ADAMTSL1: variants seen among roughly 807,000 people sequenced by gnomAD.
ADAMTSL1 encodes the protein ADAMTS like 1.
A neutral mutation model predicts 201.8 loss-of-function variants in ADAMTSL1; 126 were observed. That is an observed-to-expected ratio of 0.62 (90% confidence interval 0.54 to 0.72). The LOEUF (loss-of-function observed/expected upper bound fraction) is 0.72. ADAMTSL1 is among the 30% of genes least tolerant of loss of function. ADAMTSL1 has a pLI of 0.00. For synonymous variants in ADAMTSL1, 1,121 were observed against 903.4 expected (o/e 1.24, Z -4.32); for missense variants, 2,679 against 2,277.8 (o/e 1.18, Z -3.59).
At chr9:18,180,388 C>T (rs35754634) in intron 2 of ADAMTSL1, among the ~76,000 whole-genome samples, 23,801 of 151,746 alleles carry the variant, frequency 0.16, 2,129 homozygotes, top group East Asian at 0.24. Flanking sequence ...AAAAAATTAG[C>T]CAGGCGTAGT....
rs965854975 is a variant in ADAMTSL1 at position 18,634,914 on chromosome 9, A to G, written c.602-1029A>G. Among the ~76,000 whole-genome samples, 101 of 109,834 alleles carry G rather than the reference A, an allele frequency of 9.2e-4. 1 individual carries two copies. Among genetic ancestry groups the G allele is most frequent in the African/African-American group, 2.8e-3 (92 of 32,380 alleles). 72.1% of individuals were successfully genotyped at this position (109,834 alleles called of 152,430 possible). A position where few individuals can be genotyped will look rare whatever the true frequency, so the allele number is the denominator to read the frequency against. On this transcript the variant is annotated intron_variant, in intron 5 of 28. Coordinates refer to ENST00000380548, the MANE Select transcript of ADAMTSL1 (RefSeq NM_001040272.6). ...ATGTATGTAAATATATATTTAATATATATATATTAAATAAAAAAGATAAGT... is the reference window on the plus strand; with the variant it reads ...ATGTATGTAAATATATATTTAATATGTATATATTAAATAAAAAAGATAAGT...
intron 13 of ADAMTSL1, among the ~76,000 whole-genome samples, chr9:18,696,102 C>T (rs1041328287): frequency 1.3e-5 from 2 of 152,200 alleles, no homozygotes; most frequent in African/African-American, 4.8e-5. Context: ...AATCCACTCC[C>T]ATGGTCCAGT....
intron 1 of ADAMTSL1, among the ~76,000 whole-genome samples, chr9:18,071,994 T>A (rs1027997743): frequency 3.3e-5 from 5 of 152,202 alleles, no homozygotes; most frequent in African/African-American, 1.2e-4. Context: ...TCCAAGCTCT[T>A]GACAGTGCCA....
intron 2 of ADAMTSL1, among the ~76,000 whole-genome samples, chr9:18,532,099 G>C (rs1247794310): frequency 6.6e-6 from 1 of 152,124 alleles, no homozygotes; most frequent in Non-Finnish European, 1.5e-5. Flanking sequence ...GGATTTTGTA[G>C]TGTATCTTTA....
intron 15 of ADAMTSL1, among the ~76,000 whole-genome samples, chr9:18,726,720 A>T (rs1817917048): frequency 6.6e-6 from 1 of 152,248 alleles, no homozygotes; most frequent in Non-Finnish European, 1.5e-5. Context: ...AATGAAAGCC[A>T]GATGCTGAAA....
chr9:18,053,138 TTTGAGC>T (rs1456676575), intron 1 of ADAMTSL1, among the ~76,000 whole-genome samples: 1 of 152,186 alleles, frequency 6.6e-6, no homozygotes, highest in Non-Finnish European at 1.5e-5. Flanking sequence ...AAATGAGATC[TTTGAGC>T]TTGAGAACTT....
At chr9:18,038,751 G>C (rs1821311074) in intron 1 of ADAMTSL1, among the ~76,000 whole-genome samples, 4 of 152,154 alleles carry the variant, frequency 2.6e-5, no homozygotes, top group Admixed American at 2.6e-4. Context: ...TTCACATGAA[G>C]TTTAGATAAT....
chr9:18,552,837 C>G (rs1351043846), intron 3 of ADAMTSL1, among the ~76,000 whole-genome samples: 1 of 151,580 alleles, frequency 6.6e-6, no homozygotes, highest in East Asian at 1.9e-4. Flanking sequence ...TAAATATTCA[C>G]CTTTCATTTG....
chr9:18,652,264 C>T (rs563848823), intron 7 of ADAMTSL1, among the ~76,000 whole-genome samples: 48 of 148,696 alleles, frequency 3.2e-4, no homozygotes, highest in African/African-American at 1.1e-3. Flanking sequence ...CCCAGCTACT[C>T]GGGAGGCTGA....
chr9:18,649,874 C>T (rs561998069), intron 7 of ADAMTSL1, among the ~76,000 whole-genome samples: 1 of 152,152 alleles, frequency 6.6e-6, no homozygotes, highest in Non-Finnish European at 1.5e-5. Flanking sequence ...TCTGCCCGTT[C>T]TCAGATCTCC....
intron 15 of ADAMTSL1, among the ~76,000 whole-genome samples, chr9:18,746,009 A>G (rs554957425): frequency 6.6e-6 from 1 of 152,290 alleles, no homozygotes; most frequent in South Asian, 2.1e-4. Context: ...AGAAGAAGGA[A>G]AGGCCAGTTT....
chr9:18,800,406 G>GAAAAAAAAAAAAA (rs1333240566), intron 20 of ADAMTSL1, among the ~76,000 whole-genome samples: 7 of 113,818 alleles, frequency 6.2e-5, no homozygotes, highest in Non-Finnish European at 1.1e-4. Flanking sequence ...AAAAAAAAAG[G>GAAAAAAAAAAAAA]AAAAATGGAC....
At position 18,151,650 on chromosome 9, in the gene ADAMTSL1, G is replaced by C. The variant is rs1826918156; in HGVS notation, c.88-12212G>C. ...TGTTCTTGGCCTTGCAGCATGATCAGTAGGTTAGGGCCCCTGGCCTTGGTA... is the reference window on the plus strand; with the variant it reads ...TGTTCTTGGCCTTGCAGCATGATCACTAGGTTAGGGCCCCTGGCCTTGGTA... On this transcript the variant is annotated intron_variant, in intron 1 of 29. Coordinates refer to the ADAMTSL1 transcript ENST00000680146. 1.3e-5 allele frequency among the ~76,000 whole-genome samples: 2 copies of C among 151,996 alleles called. 1 individual carries two copies. The highest frequency in any genetic ancestry group is 4.1e-4 in the South Asian group (2 of 4,830).
chr9:17,959,514 A>C lies in ADAMTSL1; in HGVS notation c.87+52592A>C, dbSNP rs534042878. On this transcript the variant is annotated intron_variant, in intron 1 of 29. Transcript: ENST00000680146. ...CGCTCTGTCACCCAGGCTGGAGTGC[A>C]GCAGTGCATTTTCAGCTCACTGCAA... 3.9e-5 allele frequency among the ~76,000 whole-genome samples: 6 copies of C among 152,080 alleles called. No individual in the cohort carries two copies. In the South Asian group the frequency reaches 1.0e-3, roughly 26 times the overall value.
At chr9:18,256,884 AAG>A (rs1242766760) in intron 2 of ADAMTSL1, among the ~76,000 whole-genome samples, 5 of 152,150 alleles carry the variant, frequency 3.3e-5, no homozygotes, top group African/African-American at 9.7e-5. Flanking sequence ...TTCAAAGTAA[AAG>A]AGTTTTAAAC....
At chr9:18,314,866 G>A (rs539153121) in intron 2 of ADAMTSL1, among the ~76,000 whole-genome samples, 12 of 130,350 alleles carry the variant, frequency 9.2e-5, no homozygotes, top group African/African-American at 3.2e-4. Flanking sequence ...GCGCGATCTC[G>A]GCTCACTGCA....
At chr9:17,909,537 G>A (rs1329519345) in intron 1 of ADAMTSL1, among the ~76,000 whole-genome samples, 2 of 68,114 alleles carry the variant, frequency 2.9e-5, no homozygotes, top group African/African-American at 5.9e-5. Flanking sequence ...GCACACGTAT[G>A]TTTATTGCAG....
intron 2 of ADAMTSL1, among the ~76,000 whole-genome samples, chr9:18,226,795 G>A (rs950838952): frequency 2.0e-5 from 3 of 151,950 alleles, no homozygotes; most frequent in African/African-American, 4.8e-5. Context: ...TCATTGAAAT[G>A]TTTTATTTTA....
At chr9:18,317,140 A>G (rs1159712193) in intron 2 of ADAMTSL1, among the ~76,000 whole-genome samples, 1 of 152,170 alleles carries the variant, frequency 6.6e-6, no homozygotes, top group Non-Finnish European at 1.5e-5. Context: ...AAAGGCAAAT[A>G]CCGTATGATC....
Sources: allele counts gnomAD v4.1 joint callset (sites outside exome capture counted in the v4.1 genomes callset), GRCh38; gene constraint gnomAD v4.1.1; transcripts MANE v1.5; gene names NCBI Gene and HGNC (gene_info 2026-07-23, HGNC 2026-07-21).